The following ARHGEF7 variants were observed in gnomAD, a reference collection of about 807,000 sequenced individuals.
ARHGEF7 encodes PAK-interacting exchange factor beta.
Under a neutral mutation model 109.8 loss-of-function variants are expected in ARHGEF7, and 33 were observed. That is an observed-to-expected ratio of 0.30 (90% CI 0.23 to 0.40). The LOEUF is 0.40. Ranked by LOEUF, ARHGEF7 falls within the 10% of genes least tolerant of loss-of-function variation. The probability of loss-of-function intolerance (pLI) is 1.00; values close to 1 mark genes in which losing one functional copy is unlikely to be tolerated. For synonymous variants in ARHGEF7, 458 were observed against 424.6 expected (o/e 1.08, Z -0.97); for missense variants, 938 against 1,098.5 (o/e 0.85, Z 2.07).
At chr13:111,249,826 G>A (rs545298873) in intron 8 of ARHGEF7, among the ~76,000 whole-genome samples, 177 of 152,280 alleles carry the variant, frequency 1.2e-3, no homozygotes, top group Non-Finnish European at 1.8e-3. Flanking sequence ...CTGGCGTATG[G>A]ATGAGGCCAT....
At chr13:111,288,556 C>T (rs751532452) in intron 18 of ARHGEF7, 113 bp downstream of exon 18, 4 of 639,582 alleles carry the variant, frequency 6.3e-6, no homozygotes, top group Admixed American at 5.8e-5. Flanking sequence ...TGCGCCTGAC[C>T]TCCCAGTGAG....
chr13:111,241,207 C>A (rs1438321271), intron 6 of ARHGEF7: 2 of 1,536,012 alleles, frequency 1.3e-6, no homozygotes, highest in African/African-American at 1.4e-5. Flanking sequence ...GCTGCCTTTT[C>A]TTTGAAAACT....
chr13:111,261,967 G>A (rs185709972), intron 8 of ARHGEF7, among the ~76,000 whole-genome samples: 132 of 152,302 alleles, frequency 8.7e-4, no homozygotes, highest in African/African-American at 3.0e-3. Context: ...AGCAAAAGCT[G>A]TATTAAGAGG....
intron 13 of ARHGEF7, among the ~76,000 whole-genome samples, chr13:111,279,583 C>G (rs1339067244): frequency 6.6e-6 from 1 of 152,252 alleles, no homozygotes; most frequent in Non-Finnish European, 1.5e-5. Context: ...GGTGGGCCAC[C>G]ATGTACTGTG....
intron 6 of ARHGEF7, chr13:111,241,040 C>A: frequency 9.2e-7 from 1 of 1,090,324 alleles, no homozygotes. Flanking sequence ...AGCAGTGAGT[C>A]CTCTTTGTTT....
In ARHGEF7 at chr13:111,303,220, C is replaced by T. The variant is rs1006933007; in HGVS notation, c.*107C>T. ...GACCACAGGGCAGGGCTGGGTGGGG[C>T]GCCACCTTGCTCTCTGTATATAGAA... On this transcript the variant is annotated 3_prime_UTR_variant, in exon 22 of 22. Transcript: ENST00000646102. The T allele has an allele frequency of 3.0e-6, 3 of 996,308 alleles. No individual in the cohort carries two copies. The highest frequency in any genetic ancestry group is 5.7e-5 in the Admixed American group (2 of 35,330). The allele number at this position is 996,308 out of a possible 1,614,324, so 61.7% of individuals were successfully genotyped here. A position where few individuals can be genotyped will look rare whatever the true frequency, so the allele number is the denominator to read the frequency against.
rs63196562 is a variant in ARHGEF7, at chr13:111,215,372, T to C, written c.469-2307T>C. Among the ~76,000 whole-genome samples the C allele has an allele frequency of 6.0e-3, 140 of 23,386 alleles. 2 individuals are homozygous for C. The East Asian group carries it at 0.28, about 47-fold the overall frequency. 15.3% of individuals were successfully genotyped at this position (23,386 alleles called of 152,430 possible). A position where few individuals can be genotyped will look rare whatever the true frequency, so the allele number is the denominator to read the frequency against. ...CTGTGTGTCTCTAAATAAAGTGCCCTTTTTTTTTGTTTTTCCTTAATTTGG... is the reference window on the plus strand; with the variant it reads ...CTGTGTGTCTCTAAATAAAGTGCCCCTTTTTTTTGTTTTTCCTTAATTTGG... On this transcript the variant is annotated intron_variant, in intron 4 of 21. Transcript: ENST00000646102.
intron 2 of ARHGEF7, among the ~76,000 whole-genome samples, 153 bp downstream of exon 2, chr13:111,154,144 C>T (rs992362889): frequency 1.2e-4 from 19 of 152,004 alleles, no homozygotes; most frequent in African/African-American, 3.6e-4. Context: ...TGGAACGGGG[C>T]GTTGCGGGTT....
chr13:111,205,564 G>A (rs2081725139), intron 3 of ARHGEF7, among the ~76,000 whole-genome samples, 191 bp downstream of exon 3: 1 of 152,154 alleles, frequency 6.6e-6, no homozygotes, highest in Admixed American at 6.5e-5. Flanking sequence ...TTCTTTAAAT[G>A]TTCTGGTATA....
chr13:111,279,754 T>C (rs1475950559), intron 13 of ARHGEF7, among the ~76,000 whole-genome samples: 1 of 152,264 alleles, frequency 6.6e-6, no homozygotes, highest in African/African-American at 2.4e-5. Context: ...ATTTTGTGCA[T>C]TGTGTGCAGC....
chr13:111,176,638 TG>T (rs1283367524), intron 2 of ARHGEF7, among the ~76,000 whole-genome samples: 1 of 152,214 alleles, frequency 6.6e-6, no homozygotes, highest in African/African-American at 2.4e-5. Flanking sequence ...CCATGATGAG[TG>T]GGACCCCCGC....
At chr13:111,183,110 G>A (rs957770678) in intron 2 of ARHGEF7, among the ~76,000 whole-genome samples, 5 of 152,200 alleles carry the variant, frequency 3.3e-5, no homozygotes, top group Non-Finnish European at 5.9e-5. Context: ...TTGAGCATCT[G>A]GGTGGCCCTA....
intron 5 of ARHGEF7, among the ~76,000 whole-genome samples, chr13:111,221,451 A>G (rs571695474): frequency 2.0e-5 from 2 of 98,040 alleles, no homozygotes; most frequent in African/African-American, 4.0e-5. Context: ...ATATCTATAT[A>G]TATAGATATA....
intron 14 of ARHGEF7, 57 bp from the exon 15 acceptor site, chr13:111,280,481 C>G (rs959451591): frequency 4.4e-6 from 7 of 1,577,874 alleles, no homozygotes; most frequent in Non-Finnish European, 6.0e-6. Context: ...GGGGTGTGCA[C>G]GCACGTGCTT....
At chr13:111,188,031 G>A (rs553841299) in intron 2 of ARHGEF7, among the ~76,000 whole-genome samples, 2 of 152,270 alleles carry the variant, frequency 1.3e-5, no homozygotes, top group East Asian at 1.9e-4. Flanking sequence ...CTTATGAACC[G>A]AGCACAGCCT....
intron 1 of ARHGEF7, among the ~76,000 whole-genome samples, chr13:111,129,348 G>T (rs2074617199): frequency 6.6e-6 from 1 of 151,990 alleles, no homozygotes; most frequent in African/African-American, 2.4e-5. Context: ...ATAGAAGAAA[G>T]AATTCCATAA....
intron 16 of ARHGEF7, 179 bp downstream of exon 16, chr13:111,283,542 TA>T (rs2092884067): frequency 1.4e-6 from 1 of 725,468 alleles, no homozygotes; most frequent in Non-Finnish European, 1.7e-6. Flanking sequence ...AGGCCCGTGG[TA>T]ACCTGTGTGG....
intron 2 of ARHGEF7, among the ~76,000 whole-genome samples, chr13:111,199,659 A>T (rs2080983079): frequency 6.6e-6 from 1 of 152,218 alleles, no homozygotes; most frequent in East Asian, 1.9e-4. Context: ...GTAACCATAA[A>T]ATGAGGAATA....
In ARHGEF7 at chr13:111,163,975, A is replaced by T. The variant is rs543282614; in HGVS notation, c.252+9984A>T. ...AATCGTGTTGGAATTTGTTATGGCC[A>T]CAGCACATCTCGGTTTGTATTAGCC... On this transcript the variant is annotated intron_variant, in intron 2 of 21. Coordinates refer to ENST00000646102, the MANE Select transcript of ARHGEF7 (RefSeq NM_001354046.2). 3.3e-5 allele frequency among the ~76,000 whole-genome samples: 5 copies of T among 152,314 alleles called. No individual in the cohort carries two copies. In the South Asian group the frequency reaches 1.0e-3, roughly 32 times the overall value.
Sources: gnomAD v4.1 joint callset for allele counts (sites outside exome capture counted in the v4.1 genomes callset) on GRCh38, gnomAD v4.1.1 for gene constraint, MANE v1.5 for transcripts, NCBI Gene and HGNC (gene_info 2026-07-23, HGNC 2026-07-21) for gene names.